RPS6KC1: variants seen among roughly 807,000 people sequenced by gnomAD.
The protein encoded by RPS6KC1 is ribosomal protein S6 kinase C1, also known as inactive ribosomal protein S6 kinase delta-1.
Under a neutral mutation model 103.8 loss-of-function variants are expected in RPS6KC1, and 54 were observed. The observed-to-expected ratio is 0.52, with a 90% CI of 0.42 to 0.65. The LOEUF (loss-of-function observed/expected upper bound fraction) is 0.65. Among genes scored for constraint, RPS6KC1 ranks in the 30% least tolerant of loss-of-function variants. The probability of loss-of-function intolerance (pLI) is 0.00; values close to 1 mark genes in which losing one functional copy is unlikely to be tolerated. For missense variants in RPS6KC1, 1,151 were observed against 1,253.8 expected, an observed-to-expected ratio of 0.92 and a Z score of 1.24; for synonymous variants, 439 against 438.7, an observed-to-expected ratio of 1.00 and a Z score of -0.01.
intron 8 of RPS6KC1, among the ~76,000 whole-genome samples, chr1:213,217,872 T>A (rs143707102): frequency 1.3e-5 from 2 of 152,022 alleles, no homozygotes; most frequent in Non-Finnish European, 2.9e-5. Flanking sequence ...GGGATGTATC[T>A]CAAAATAATA....
At chr1:213,231,986 C>A in intron 9 of RPS6KC1, 137 bp from the exon 10 acceptor site, 2 of 1,040,970 alleles carry the variant, frequency 1.9e-6, no homozygotes, top group Non-Finnish European at 1.4e-6. Flanking sequence ...GGGCATAGAG[C>A]AGCAGATGAG....
intron 6 of RPS6KC1, among the ~76,000 whole-genome samples, chr1:213,153,684 G>C (rs1466580182): frequency 6.6e-6 from 1 of 152,128 alleles, no homozygotes; most frequent in Non-Finnish European, 1.5e-5. Flanking sequence ...TGTACCTTCA[G>C]GTGATCATTT....
intron 10 of RPS6KC1, 107 bp from the exon 11 acceptor site, chr1:213,240,595 C>A: frequency 1.1e-6 from 1 of 915,964 alleles, no homozygotes; most frequent in Non-Finnish European, 1.7e-6. Flanking sequence ...ATATTATTGA[C>A]TTGTTTTGAT....
At chr1:213,424,951 A>G in the RPS6KC1 span, among the ~76,000 whole-genome samples, 1 of 152,084 alleles carries the variant, frequency 6.6e-6, no homozygotes, top group African/African-American at 2.4e-5. Flanking sequence ...TGTGACAAGG[A>G]CAGAGGCTGA....
the RPS6KC1 span, among the ~76,000 whole-genome samples, chr1:213,814,003 C>T: frequency 2.0e-5 from 3 of 152,174 alleles, no homozygotes; most frequent in Admixed American, 6.5e-5. Flanking sequence ...TATTAAATTG[C>T]TAAAACTCAC....
chr1:213,386,194 C>T, the RPS6KC1 span, among the ~76,000 whole-genome samples: 1 of 152,168 alleles, frequency 6.6e-6, no homozygotes, highest in Admixed American at 6.5e-5. Flanking sequence ...CTTCCTCTGT[C>T]GCCATGGGAT....
chr1:213,727,635 C>A, the RPS6KC1 span, among the ~76,000 whole-genome samples: 3 of 152,224 alleles, frequency 2.0e-5, no homozygotes, highest in South Asian at 2.1e-4. Flanking sequence ...TAAAGTAATT[C>A]TTTGCCAGGC....
chr1:213,182,944 T>C (rs1360944379), intron 8 of RPS6KC1, among the ~76,000 whole-genome samples: 1 of 150,158 alleles, frequency 6.7e-6, no homozygotes, highest in Non-Finnish European at 1.5e-5. Context: ...AAGTTTCTTA[T>C]ATATCATGAT....
the RPS6KC1 span, among the ~76,000 whole-genome samples, chr1:213,695,785 C>T: frequency 3.3e-5 from 5 of 152,112 alleles, no homozygotes; most frequent in Non-Finnish European, 5.9e-5. Context: ...GAAAGATATT[C>T]GTATTATTTC....
the RPS6KC1 span, among the ~76,000 whole-genome samples, chr1:213,528,601 G>C: frequency 6.6e-6 from 1 of 152,160 alleles, no homozygotes; most frequent in African/African-American, 2.4e-5. Context: ...TTGCAAAAAT[G>C]GGTCCTCATT....
the RPS6KC1 span, among the ~76,000 whole-genome samples, chr1:213,472,763 A>T: frequency 0.35 from 52,521 of 152,090 alleles, 10,230 homozygotes; most frequent in East Asian, 0.6. Context: ...TTCCCTGGGG[A>T]GTACACAATC....
the RPS6KC1 span, among the ~76,000 whole-genome samples, chr1:213,328,030 TA>T: frequency 0.012 from 1,853 of 152,270 alleles, 37 homozygotes; most frequent in African/African-American, 0.043. Flanking sequence ...ATCTGAAATT[TA>T]TTTTTTTAGT....
chr1:213,437,584 A>G, the RPS6KC1 span, among the ~76,000 whole-genome samples: 1 of 152,044 alleles, frequency 6.6e-6, no homozygotes, highest in Non-Finnish European at 1.5e-5. Context: ...ATTAACAGAT[A>G]AGGATATCTG....
At chr1:213,542,128 G>T in the RPS6KC1 span, among the ~76,000 whole-genome samples, 2 of 152,184 alleles carry the variant, frequency 1.3e-5, no homozygotes, top group Non-Finnish European at 2.9e-5. Context: ...GTCTCCACAT[G>T]AGGACAGTGA....
At chr1:213,363,619 TTG>T in the RPS6KC1 span, among the ~76,000 whole-genome samples, 11 of 87,220 alleles carry the variant, frequency 1.3e-4, no homozygotes, top group East Asian at 6.9e-4. Flanking sequence ...GCTTGCTTGC[TTG>T]CTTGCTTTCT....
At chr1:213,431,702 C>A in the RPS6KC1 span, among the ~76,000 whole-genome samples, 1 of 150,228 alleles carries the variant, frequency 6.7e-6, no homozygotes, top group African/African-American at 2.5e-5. Context: ...TTTACCCATT[C>A]TATTACTGGT....
chr1:213,161,040 CATTT>C (rs2090424093), intron 6 of RPS6KC1, among the ~76,000 whole-genome samples: 1 of 152,134 alleles, frequency 6.6e-6, no homozygotes. Flanking sequence ...CTTATCCATT[CATTT>C]GTTTAACAAA....
the RPS6KC1 span, among the ~76,000 whole-genome samples, chr1:213,763,732 A>G: frequency 1.3e-5 from 2 of 152,214 alleles, no homozygotes; most frequent in African/African-American, 2.4e-5. Flanking sequence ...CTCTGCCACA[A>G]TGATTTTCTT....
chr1:213,639,781 A>C, the RPS6KC1 span, among the ~76,000 whole-genome samples: 2 of 151,470 alleles, frequency 1.3e-5, no homozygotes, highest in African/African-American at 2.4e-5. Context: ...AAAAAAAGAT[A>C]TTTCTCTATT....
Sources: allele counts gnomAD v4.1 joint callset (sites outside exome capture counted in the v4.1 genomes callset), GRCh38; gene constraint gnomAD v4.1.1; transcripts MANE v1.5; gene names NCBI Gene and HGNC (gene_info 2026-07-23, HGNC 2026-07-21).